Variants in PTPRD observed in about 807,000 individuals in gnomAD.
The protein encoded by PTPRD is receptor-type tyrosine-protein phosphatase delta.
A neutral mutation model predicts 214.5 loss-of-function variants in PTPRD; 34 were observed. The ratio of observed to expected loss-of-function variants is 0.16; its 90% CI spans 0.12 to 0.21. The LOEUF (loss-of-function observed/expected upper bound fraction) is 0.21, where lower values mean the gene tolerates loss of function less well. PTPRD is among the 10% of genes least tolerant of loss of function. The probability of loss-of-function intolerance (pLI) is 1.00; values close to 1 mark genes in which losing one functional copy is unlikely to be tolerated. For missense variants in PTPRD, 2,545 were observed against 2,398.7 expected (o/e 1.06, Z -1.27); for synonymous variants, 1,128 against 845.7 (o/e 1.33, Z -5.79).
chr9:8,524,508 C>T (rs931761010), intron 18 of PTPRD, among the ~76,000 whole-genome samples: 8 of 152,048 alleles, frequency 5.3e-5, no homozygotes, highest in Admixed American at 2.6e-4. Context: ...GACATAAACA[C>T]CTTTATGCTT....
At chr9:9,545,740 G>A (rs2078646616) in intron 8 of PTPRD, among the ~76,000 whole-genome samples, 1 of 151,684 alleles carries the variant, frequency 6.6e-6, no homozygotes. Flanking sequence ...GAAGTTCGCT[G>A]ATGTCAGTCC....
chr9:9,333,778 G>A (rs1031783907), intron 9 of PTPRD, among the ~76,000 whole-genome samples: 2 of 151,458 alleles, frequency 1.3e-5, no homozygotes, highest in African/African-American at 4.8e-5. Flanking sequence ...TTAGCTAAAG[G>A]AAAACACTAA....
chr9:8,439,727 G>A (rs1004203958), intron 34 of PTPRD, among the ~76,000 whole-genome samples: 3 of 151,678 alleles, frequency 2.0e-5, no homozygotes, highest in African/African-American at 7.3e-5. Flanking sequence ...AAACATCTCC[G>A]CTGCCCAATA....
At chr9:8,533,203 G>A (rs527724272) in intron 14 of PTPRD, among the ~76,000 whole-genome samples, 139 of 152,128 alleles carry the variant, frequency 9.1e-4, no homozygotes, top group African/African-American at 3.0e-3. Flanking sequence ...AGGAAAATCT[G>A]AATTGCCTGC....
At chr9:8,929,915 G>T (rs1387554661) in intron 11 of PTPRD, among the ~76,000 whole-genome samples, 1 of 37,546 alleles carries the variant, frequency 2.7e-5, no homozygotes, top group African/African-American at 5.9e-5. Context: ...ATATATGTGT[G>T]TGTATATATA....
intron 35 of PTPRD, among the ~76,000 whole-genome samples, chr9:8,435,185 T>C (rs2095291477): frequency 6.6e-6 from 1 of 152,218 alleles, no homozygotes; most frequent in African/African-American, 2.4e-5. Flanking sequence ...TCCAGCACAG[T>C]AACTTAAAAT....
intron 11 of PTPRD, among the ~76,000 whole-genome samples, chr9:8,919,803 C>A (rs2098812777): frequency 7.3e-6 from 1 of 136,738 alleles, no homozygotes; most frequent in African/African-American, 2.5e-5. Flanking sequence ...CATACACATG[C>A]AAGTGCACAT....
At chr9:8,516,071 G>C (rs2097776083) in intron 21 of PTPRD, among the ~76,000 whole-genome samples, 1 of 152,294 alleles carries the variant, frequency 6.6e-6, no homozygotes, top group Admixed American at 6.5e-5. Context: ...AAAGTGGAAT[G>C]TAAGTTCCCA....
At chr9:10,183,554 G>T (rs1047661311) in intron 3 of PTPRD, among the ~76,000 whole-genome samples, 3 of 152,058 alleles carry the variant, frequency 2.0e-5, no homozygotes, top group African/African-American at 4.8e-5. Flanking sequence ...AATATGAGAA[G>T]AAGAAATGCT....
At chr9:9,684,236 T>C (rs1048443716) in intron 7 of PTPRD, among the ~76,000 whole-genome samples, 1 of 151,720 alleles carries the variant, frequency 6.6e-6, no homozygotes, top group African/African-American at 2.4e-5. Context: ...CCAAGAATAA[T>C]TTAAAACTAA....
chr9:10,051,730 G>A (rs189345470), intron 3 of PTPRD, among the ~76,000 whole-genome samples: 2 of 151,856 alleles, frequency 1.3e-5, no homozygotes, highest in East Asian at 3.9e-4. Context: ...CTTCTTCTGT[G>A]CCAGGCACCC....
At chr9:9,962,468 T>A (rs2094431155) in intron 4 of PTPRD, among the ~76,000 whole-genome samples, 4 of 152,062 alleles carry the variant, frequency 2.6e-5, no homozygotes, top group Admixed American at 2.6e-4. Context: ...TATATAAATG[T>A]TCTCACTTGT....
intron 5 of PTPRD, among the ~76,000 whole-genome samples, chr9:9,924,039 A>C (rs1184387701): frequency 6.6e-6 from 1 of 152,052 alleles, no homozygotes; most frequent in African/African-American, 2.4e-5. Context: ...ACAACTTTAT[A>C]AACTTCAGGA....
At chr9:9,189,031 A>C (rs2099933460) in intron 9 of PTPRD, among the ~76,000 whole-genome samples, 1 of 152,060 alleles carries the variant, frequency 6.6e-6, no homozygotes, top group Non-Finnish European at 1.5e-5. Flanking sequence ...TCTAAATTAC[A>C]TCTTATTCTT....
chr9:9,795,221 G>A (rs566410404), intron 5 of PTPRD, among the ~76,000 whole-genome samples: 9 of 152,314 alleles, frequency 5.9e-5, no homozygotes, highest in African/African-American at 1.4e-4. Context: ...TGTATTTGGA[G>A]ATCTGGATAG....
chr9:8,905,651 A>C (rs965172226), intron 11 of PTPRD, among the ~76,000 whole-genome samples: 1 of 151,508 alleles, frequency 6.6e-6, no homozygotes, highest in African/African-American at 2.4e-5. Context: ...AGTCAGGAGA[A>C]TCACTTGAAC....
At chr9:10,075,085 A>G (rs2098111873) in intron 3 of PTPRD, among the ~76,000 whole-genome samples, 1 of 152,148 alleles carries the variant, frequency 6.6e-6, no homozygotes, top group Non-Finnish European at 1.5e-5. Context: ...TGATGCAAAT[A>G]TTGATATGGG....
intron 3 of PTPRD, among the ~76,000 whole-genome samples, chr9:10,279,269 A>G (rs2094946338): frequency 6.6e-6 from 1 of 152,220 alleles, no homozygotes; most frequent in South Asian, 2.1e-4. Flanking sequence ...TTGAATGTAG[A>G]AAATGAGGAA....
chr9:9,503,224 A>G (rs2096475657), intron 8 of PTPRD, among the ~76,000 whole-genome samples: 1 of 151,780 alleles, frequency 6.6e-6, no homozygotes, highest in Non-Finnish European at 1.5e-5. Context: ...ATAGCTCAGT[A>G]ATGTTACCAT....
Sources: allele counts gnomAD v4.1 joint callset (sites outside exome capture counted in the v4.1 genomes callset), GRCh38; gene constraint gnomAD v4.1.1; transcripts MANE v1.5; gene names NCBI Gene and HGNC (gene_info 2026-07-23, HGNC 2026-07-21).